Variants in SNX29 observed in about 807,000 individuals in gnomAD.
The protein encoded by SNX29 is sorting nexin-29.
Under a neutral mutation model 102.1 loss-of-function variants are expected in SNX29, and 78 were observed. The observed-to-expected ratio is 0.76, with a 90% confidence interval of 0.64 to 0.92. SNX29 has a LOEUF of 0.92. Ranked by LOEUF, SNX29 falls within the 40% of genes least tolerant of loss-of-function variation. SNX29 has a pLI of 0.00. For missense variants in SNX29, 1,280 were observed against 1,061.7 expected, an observed-to-expected ratio of 1.21 and a Z score of -2.86; for synonymous variants, 580 against 414.5, an observed-to-expected ratio of 1.40 and a Z score of -4.85.
intron 3 of SNX29, among the ~76,000 whole-genome samples, chr16:12,019,449 CCCG>C: frequency 6.6e-6 from 1 of 152,088 alleles, no homozygotes; most frequent in East Asian, 1.9e-4. Flanking sequence ...TCGTGATCTG[CCCG>C]CCTCGGCCTC....
At chr16:12,164,541 T>C (rs939612519) in intron 13 of SNX29, among the ~76,000 whole-genome samples, 2 of 152,180 alleles carry the variant, frequency 1.3e-5, no homozygotes, top group South Asian at 4.2e-4. Context: ...GTTGATAATA[T>C]TTCTTGAAAC....
rs9925366 is a variant in SNX29 at position 12,524,900 on chromosome 16, G to A, written c.2318+59G>A. ...CCCTGCCAGCATTTTTTTCTCGGTC[G>A]TTTTGGAAGGTCAGGGAGCACAGCG... On this transcript the variant is annotated intron_variant, in intron 20 of 20. Coordinates refer to ENST00000566228, the MANE Select transcript of SNX29 (RefSeq NM_032167.5). 3,468 of 1,591,474 alleles carry A rather than the reference G, an allele frequency of 2.2e-3. 74 individuals are homozygous for A. In the African/African-American group the frequency reaches 0.04, roughly 19 times the overall value.
At chr16:12,539,190 A>G (rs2077212735) in intron 20 of SNX29, among the ~76,000 whole-genome samples, 2 of 152,214 alleles carry the variant, frequency 1.3e-5, no homozygotes, top group Non-Finnish European at 2.9e-5. Context: ...ACACATGCAT[A>G]GATTTGAGTA....
At position 12,419,504 on chromosome 16, in the gene SNX29, T is replaced by C. The variant is rs138606790; in HGVS notation, c.2037+15975T>C. Reference sequence around the variant, plus strand: ...AACAGATGACATTCATTGACTTGCCTGATGGAAAAGACCAAGGGTACAGCT... The same window carrying C: ...AACAGATGACATTCATTGACTTGCCCGATGGAAAAGACCAAGGGTACAGCT... On this transcript the variant is annotated intron_variant, in intron 18 of 20. Transcript: ENST00000566228. Among the ~76,000 whole-genome samples the C allele has an allele frequency of 6.1e-3, 926 of 152,180 alleles. 7 individuals carry two copies. Among genetic ancestry groups the C allele is most frequent in the African/African-American group, 0.021 (883 of 41,520 alleles).
intron 3 of SNX29, among the ~76,000 whole-genome samples, chr16:12,022,160 A>G (rs189739865): frequency 6.9e-6 from 1 of 144,538 alleles, no homozygotes; most frequent in African/African-American, 2.6e-5. Flanking sequence ...TTGTAAGTAT[A>G]CAATTCAGTG....
chr16:12,193,423 C>T (rs1038792989), intron 13 of SNX29, among the ~76,000 whole-genome samples: 1 of 150,498 alleles, frequency 6.6e-6, no homozygotes, highest in African/African-American at 2.4e-5. Context: ...GAGCCGAGAT[C>T]GCACCACTGC....
chr16:12,503,136 A>C (rs1179406085), intron 19 of SNX29, among the ~76,000 whole-genome samples: 1 of 146,968 alleles, frequency 6.8e-6, no homozygotes, highest in East Asian at 2.0e-4. Flanking sequence ...CCTCAACTGC[A>C]CACCCCCCTG....
At chr16:12,350,280 G>C (rs1175576713) in intron 15 of SNX29, among the ~76,000 whole-genome samples, 3 of 152,180 alleles carry the variant, frequency 2.0e-5, no homozygotes, top group Non-Finnish European at 4.4e-5. Context: ...AACGTGTACA[G>C]ACTTTTTTCC....
At chr16:12,560,210 A>C (rs2078644121) in intron 20 of SNX29, among the ~76,000 whole-genome samples, 1 of 149,102 alleles carries the variant, frequency 6.7e-6, no homozygotes, top group African/African-American at 2.5e-5. Context: ...GTAGAAGAGC[A>C]ACTACACAGC....
At chr16:12,535,665 G>A (rs920060188) in intron 20 of SNX29, among the ~76,000 whole-genome samples, 3 of 152,184 alleles carry the variant, frequency 2.0e-5, no homozygotes, top group Admixed American at 2.0e-4. Flanking sequence ...TATCTTCAGG[G>A]CTGGGGCTTT....
intron 11 of SNX29, among the ~76,000 whole-genome samples, chr16:12,083,191 G>A (rs1279010385): frequency 6.6e-6 from 1 of 151,634 alleles, no homozygotes; most frequent in East Asian, 1.9e-4. Flanking sequence ...CTGTAATCTC[G>A]GCTACTCGGG....
At chr16:11,998,544 T>C (rs1264354669) in intron 1 of SNX29, among the ~76,000 whole-genome samples, 1 of 152,198 alleles carries the variant, frequency 6.6e-6, no homozygotes, top group Non-Finnish European at 1.5e-5. Flanking sequence ...AGGGCTGGTG[T>C]CTTTGTGATT....
intron 13 of SNX29, among the ~76,000 whole-genome samples, chr16:12,173,726 G>A (rs2141772624): frequency 6.6e-6 from 1 of 152,290 alleles, no homozygotes; most frequent in Middle Eastern, 3.4e-3. Context: ...ATGTTTCCTT[G>A]CTTATAACTT....
intron 13 of SNX29, among the ~76,000 whole-genome samples, chr16:12,160,899 T>C (rs182572259): frequency 9.8e-4 from 150 of 152,340 alleles, no homozygotes; most frequent in Non-Finnish European, 1.3e-3. Context: ...GTCTGAAATA[T>C]TGAGATCTTG....
At chr16:11,983,276 T>C (rs1212535447) in intron 1 of SNX29, among the ~76,000 whole-genome samples, 1 of 143,662 alleles carries the variant, frequency 7.0e-6, no homozygotes, top group African/African-American at 2.6e-5. Flanking sequence ...TGGGTCTTAC[T>C]ACGTTACCCA....
chr16:12,545,065 C>CA (rs1260517772), intron 20 of SNX29, among the ~76,000 whole-genome samples: 1 of 152,140 alleles, frequency 6.6e-6, no homozygotes, highest in Non-Finnish European at 1.5e-5. Context: ...GTAGCATAGC[C>CA]ACGAAATGCA....
At chr16:12,553,741 C>G (rs1173843684) in intron 20 of SNX29, among the ~76,000 whole-genome samples, 2 of 152,070 alleles carry the variant, frequency 1.3e-5, no homozygotes, top group Non-Finnish European at 2.9e-5. Flanking sequence ...GCACATGCCA[C>G]CACCCCCAGC....
chr16:11,995,670 C>T (rs746930590), intron 1 of SNX29, among the ~76,000 whole-genome samples: 3 of 147,492 alleles, frequency 2.0e-5, no homozygotes, highest in Admixed American at 6.8e-5. Flanking sequence ...AAAAAGACAT[C>T]GAGGATCATT....
intron 15 of SNX29, among the ~76,000 whole-genome samples, chr16:12,348,538 G>C (rs1279856195): frequency 1.3e-5 from 2 of 149,676 alleles, no homozygotes; most frequent in African/African-American, 2.6e-5. Flanking sequence ...CCCCGGCTCT[G>C]TGTGTGTGTA....
Sources: allele counts gnomAD v4.1 joint callset (sites outside exome capture counted in the v4.1 genomes callset), GRCh38; gene constraint gnomAD v4.1.1; transcripts MANE v1.5; gene names NCBI Gene and HGNC (gene_info 2026-07-23, HGNC 2026-07-21).